Variants in ZNF783 observed in about 807,000 individuals in gnomAD.
The protein encoded by ZNF783 is zinc finger protein 783, also known as protein ZNF783.
ZNF783 carries 25 observed loss-of-function variants against 31.3 expected under a neutral mutation model. The observed-to-expected ratio is 0.80, with a 90% CI of 0.58 to 1.11. ZNF783 has a LOEUF of 1.11. Ranked by LOEUF, ZNF783 falls within the 50% of genes most tolerant of loss-of-function variation. ZNF783 has a pLI of 0.00. For missense variants in ZNF783, 797 were observed against 760.0 expected, an observed-to-expected ratio of 1.05 and a Z score of -0.57; for synonymous variants, 369 against 319.1, an observed-to-expected ratio of 1.16 and a Z score of -1.66.
chr7:149,282,743 G>T lies in ZNF783; in HGVS notation c.*400G>T, dbSNP rs1257129274. 5 of 188,824 alleles carry T rather than the reference G, an allele frequency of 2.6e-5. 1 individual carries two copies. In the East Asian group the frequency reaches 6.5e-4, roughly 25 times the overall value. The allele number at this position is 188,824 out of a possible 1,614,324, so 11.7% of individuals were successfully genotyped here. A position where few individuals can be genotyped will look rare whatever the true frequency, so the allele number is the denominator to read the frequency against. On this transcript the variant is annotated 3_prime_UTR_variant, in exon 6 of 6. Transcript: ENST00000434415. ...GAGAAACAGTGGAGTGGAGTGGATG[G>T]ATGGCCTGACTTGAAGAAAGGGCCC...
At chr7:149,270,786 G>T (rs192460246) in intron 4 of ZNF783, among the ~76,000 whole-genome samples, 107 of 152,240 alleles carry the variant, frequency 7.0e-4, no homozygotes, top group Middle Eastern at 3.4e-3. Flanking sequence ...CTGGATTTTT[G>T]ATTTCTATTG....
intron 4 of ZNF783, among the ~76,000 whole-genome samples, chr7:149,270,206 C>T (rs906104975): frequency 6.6e-6 from 1 of 152,184 alleles, no homozygotes; most frequent in African/African-American, 2.4e-5. Flanking sequence ...TGGCTTACCC[C>T]AGCAACATTT....
At chr7:149,280,478 C>T (rs1053872906) in intron 5 of ZNF783, among the ~76,000 whole-genome samples, 22 of 152,060 alleles carry the variant, frequency 1.4e-4, no homozygotes, top group Admixed American at 2.6e-4. Context: ...GGGTTCTCTC[C>T]CTCCCTCTCC....
At position 149,282,138 on chromosome 7, in the gene ZNF783, C is replaced by T. The variant is rs376761442; in HGVS notation, c.1436C>T (p.Ser479Leu). 6.3e-6 allele frequency: 10 copies of T among 1,599,766 alleles called. No individual in the cohort carries two copies. The highest frequency in any genetic ancestry group is 5.3e-5 in the African/African-American group (4 of 74,916). The change falls in exon 6 of 6, where the codon TCG becomes TTG. Residue 479 changes from serine (S) to leucine (L), a missense_variant. Physicochemically the swap from Ser to Leu is moderately radical, Grantham distance 145 (BLOSUM62 -2). Transcript: ENST00000434415. ...TGCGGCAAGGCCTTCCGCCGGCCCT[C>T]GGACCTCTTCCGGCACCAGCGCATC... ...PYCGKAFRRP[S>L]DLFRHQRIHT...
chr7:149,280,709 G>C (rs951833594), intron 5 of ZNF783, among the ~76,000 whole-genome samples: 8 of 151,208 alleles, frequency 5.3e-5, no homozygotes, highest in African/African-American at 1.9e-4. Context: ...GTGTCCCTCT[G>C]CCTAGAGTCT....
At chr7:149,264,270 G>A (rs1797008561) in intron 1 of ZNF783, among the ~76,000 whole-genome samples, 1 of 152,330 alleles carries the variant, frequency 6.6e-6, no homozygotes, top group Non-Finnish European at 1.5e-5. Context: ...TAGATTACTA[G>A]TGCTAAGGGG....
Position 149,281,487 on chromosome 7 carries a change from C to G in ZNF783, c.803-18C>G, listed in dbSNP as rs761623269. ...GTGGTGAGGTCCACTTGGAAACCAACATAGACTCCTTTGCCAGGTGGTGGT... is the reference window on the plus strand; with the variant it reads ...GTGGTGAGGTCCACTTGGAAACCAAGATAGACTCCTTTGCCAGGTGGTGGT... On this transcript the variant is annotated intron_variant, in intron 5 of 5. Coordinates refer to ENST00000434415, the MANE Select transcript of ZNF783 (RefSeq NM_001195220.2). 11 of 1,433,106 alleles carry G rather than the reference C, an allele frequency of 7.7e-6. No individual in the cohort carries two copies. The highest frequency in any genetic ancestry group is 1.0e-5 in the Non-Finnish European group (11 of 1,099,728). The allele number at this position is 1,433,106 out of a possible 1,614,324, so 88.8% of individuals were successfully genotyped here.
rs1797104012 is a variant in ZNF783 at position 149,267,331 on chromosome 7, A to T, written c.673+109A>T. 1.1e-5 allele frequency: 16 copies of T among 1,431,448 alleles called. No individual in the cohort carries two copies. In the South Asian group the frequency reaches 2.3e-4, roughly 21 times the overall value. 88.7% of individuals were successfully genotyped at this position (1,431,448 alleles called of 1,614,324 possible). A position where few individuals can be genotyped will look rare whatever the true frequency, so the allele number is the denominator to read the frequency against. Reference sequence around the variant, plus strand: ...CAGGGAGGGCAGGAAGGGAGCATAGACCATTAACCCAAAGTGGGACCACTC... The same window carrying T: ...CAGGGAGGGCAGGAAGGGAGCATAGTCCATTAACCCAAAGTGGGACCACTC... On this transcript the variant is annotated intron_variant, in intron 4 of 5. Coordinates refer to ENST00000434415, the MANE Select transcript of ZNF783 (RefSeq NM_001195220.2).
At chr7:149,272,539 C>T (rs1797230370) in intron 4 of ZNF783, among the ~76,000 whole-genome samples, 1 of 152,056 alleles carries the variant, frequency 6.6e-6, no homozygotes, top group Non-Finnish European at 1.5e-5. Flanking sequence ...TTAATGGCAC[C>T]TCTCTTACTG....
At chr7:149,278,896 C>A (rs973872341) in intron 5 of ZNF783, among the ~76,000 whole-genome samples, 1 of 152,132 alleles carries the variant, frequency 6.6e-6, no homozygotes, top group Non-Finnish European at 1.5e-5. Context: ...CCTAGCGCGG[C>A]GCCAGCATGG....
At chr7:149,278,594 G>A in intron 5 of ZNF783, 67 bp downstream of exon 5, 1 of 1,588,652 alleles carries the variant, frequency 6.3e-7, no homozygotes, top group South Asian at 1.1e-5. Flanking sequence ...ACCAAGCGAT[G>A]GTGCTGAGGA....
rs908154486 is a variant in ZNF783, at chr7:149,283,410, TTTG to T, written c.*1072_*1074del. On this transcript the variant is annotated 3_prime_UTR_variant, in exon 6 of 6. Coordinates refer to ENST00000434415, the MANE Select transcript of ZNF783 (RefSeq NM_001195220.2). ...AGGATAGTCACATCCATTATTTACTTTTGTTGTCAGCTGGGAGGGGAAACTGAA... is the reference window on the plus strand; with the variant it reads ...AGGATAGTCACATCCATTATTTACTTTTGTCAGCTGGGAGGGGAAACTGAA... 3.3e-5 allele frequency: 5 copies of T among 152,242 alleles called. No individual in the cohort carries two copies. Among genetic ancestry groups the T allele is most frequent in the African/African-American group, 1.2e-4 (5 of 41,438 alleles). 9.4% of individuals were successfully genotyped at this position (152,242 alleles called of 1,614,324 possible).
chr7:149,274,076 A>G (rs367693562), intron 4 of ZNF783, among the ~76,000 whole-genome samples: 1 of 152,028 alleles, frequency 6.6e-6, no homozygotes, highest in Admixed American at 6.5e-5. Flanking sequence ...TTTTAACTTG[A>G]TGTGATCCCG....
chr7:149,263,282 GT>G (rs1796982580), intron 1 of ZNF783, among the ~76,000 whole-genome samples: 1 of 97,278 alleles, frequency 1.0e-5, no homozygotes, highest in East Asian at 3.4e-4. Flanking sequence ...GTGTGTGTGT[GT>G]GTGTGTGTGT....
At chr7:149,267,787 A>T (rs1220545767) in intron 4 of ZNF783, among the ~76,000 whole-genome samples, 1 of 151,192 alleles carries the variant, frequency 6.6e-6, no homozygotes, top group Admixed American at 6.6e-5. Flanking sequence ...ACGGAGCAAG[A>T]CTTCATCTAA....
chr7:149,278,320 C>T, intron 4 of ZNF783, 79 bp from the exon 5 acceptor site: 2 of 1,576,362 alleles, frequency 1.3e-6, no homozygotes, highest in Non-Finnish European at 1.7e-6. Context: ...AGTGACTCTG[C>T]CTTTCCCCAG....
At chr7:149,271,093 C>G (rs1469304394) in intron 4 of ZNF783, among the ~76,000 whole-genome samples, 2 of 152,178 alleles carry the variant, frequency 1.3e-5, no homozygotes, top group African/African-American at 4.8e-5. Flanking sequence ...TGCCCGCCAC[C>G]ACGCCTGGCT....
In ZNF783 at chr7:149,281,633, G is replaced by A. The variant is rs1022383900; in HGVS notation, c.931G>A (p.Gly311Ser). Residue 311 changes from glycine (G) to serine (S), a missense_variant, in exon 6 of 6, where the codon GGC (glycine) becomes AGC (serine). Coordinates refer to ENST00000434415, the MANE Select transcript of ZNF783 (RefSeq NM_001195220.2). ...CCGAGGGCCCAGGAACAGGCCTGGG[G>A]GCCCCAGCCGTCATCAGGCCCAGGG... ...IPRGPRNRPG[G>S]PSRHQAQGMP... The A allele has an allele frequency of 2.6e-6, 4 of 1,544,930 alleles. No individual in the cohort carries two copies. In the African/African-American group the frequency reaches 4.2e-5, roughly 16 times the overall value.
intron 4 of ZNF783, among the ~76,000 whole-genome samples, chr7:149,268,136 A>C (rs1037690570): frequency 2.1e-4 from 32 of 152,124 alleles, no homozygotes; most frequent in Non-Finnish European, 3.7e-4. Context: ...ACCAAAACTC[A>C]ACACTCTGCT....
Sources: allele counts gnomAD v4.1 joint callset (sites outside exome capture counted in the v4.1 genomes callset), GRCh38; gene constraint gnomAD v4.1.1; transcripts MANE v1.5; gene names NCBI Gene and HGNC (gene_info 2026-07-23, HGNC 2026-07-21).